ITGA4: variants seen among roughly 807,000 people sequenced by gnomAD.
ITGA4 encodes integrin subunit alpha 4, also known as integrin alpha-4.
Under a neutral mutation model 133.6 loss-of-function variants are expected in ITGA4, and 63 were observed. That is an observed-to-expected ratio of 0.47 (90% CI 0.38 to 0.58). ITGA4 has a LOEUF of 0.58. ITGA4 is among the 20% of genes least tolerant of loss of function. The pLI, the probability that ITGA4 is intolerant of heterozygous loss-of-function variation, is 0.00. For missense variants in ITGA4, 1,076 were observed against 1,252.7 expected, an observed-to-expected ratio of 0.86 and a Z score of 2.13; for synonymous variants, 483 against 438.0, an observed-to-expected ratio of 1.10 and a Z score of -1.28.
At chr2:181,471,567 C>T (rs1685551811) in intron 2 of ITGA4, among the ~76,000 whole-genome samples, 1 of 152,044 alleles carries the variant, frequency 6.6e-6, no homozygotes. Context: ...TAACTAACAA[C>T]TGTATAGGAG....
rs775360380 is a variant in ITGA4 at position 181,478,771 on chromosome 2, T to G, written c.571T>G (p.Phe191Val). ...APCYQDYVKK[F>V]GENFASCQAG... The stretch of plus-strand genomic sequence containing the variant: ...TTTCATTTTAGATTATGTGAAAAAA[T>G]TTGGAGAAAATTTTGCATCATGTCA... Residue 191 changes from phenylalanine (F) to valine (V), a missense_variant, in exon 5 of 28, where the codon TTT (phenylalanine) becomes GTT (valine). This residue lies in a region of ITGA4 where 436 missense variants were observed against 590.7 expected (regional missense o/e 0.74). Transcript: ENST00000397033. The G allele has an allele frequency of 6.8e-7, 1 of 1,466,396 alleles. No homozygotes were observed. Among genetic ancestry groups the G allele is most frequent in the East Asian group, 2.4e-5 (1 of 42,272 alleles). The allele number at this position is 1,466,396 out of a possible 1,614,324, so 90.8% of individuals were successfully genotyped here.
intron 10 of ITGA4, among the ~76,000 whole-genome samples, chr2:181,490,559 G>T (rs1574393088): frequency 6.6e-6 from 1 of 151,188 alleles, no homozygotes; most frequent in African/African-American, 2.4e-5. Flanking sequence ...CTTTGACACA[G>T]AACAGGAATT....
In ITGA4 at chr2:181,537,411, T is replaced by C. The variant is rs1559063639; in HGVS notation, c.*1884T>C. ...AGATTTTGCCCAGTTCAAAATAGTA[T>C]TTGTTATCAACTTACTTTGTTACTT... is the stretch of plus-strand genomic sequence containing the variant. On this transcript the variant is annotated 3_prime_UTR_variant, in exon 28 of 28. Transcript: ENST00000397033. 1 of 449,494 alleles carries C rather than the reference T, an allele frequency of 2.2e-6. No homozygotes were observed. Among genetic ancestry groups the C allele is most frequent in the Admixed American group, 2.4e-5 (1 of 42,258 alleles). 27.8% of individuals were successfully genotyped at this position (449,494 alleles called of 1,614,324 possible). A position where few individuals can be genotyped will look rare whatever the true frequency, so the allele number is the denominator to read the frequency against.
chr2:181,500,517 G>A (rs944829587), intron 15 of ITGA4, among the ~76,000 whole-genome samples: 7 of 152,262 alleles, frequency 4.6e-5, no homozygotes, highest in Admixed American at 3.3e-4. Context: ...GACGCATAGC[G>A]GTTGGGATGC....
At chr2:181,490,301 A>G (rs1686020931) in intron 10 of ITGA4, among the ~76,000 whole-genome samples, 1 of 152,090 alleles carries the variant, frequency 6.6e-6, no homozygotes. Context: ...TCCTCCTTTA[A>G]TTCTACTTTA....
At chr2:181,509,515 A>G (rs1303577534) in intron 15 of ITGA4, 143 bp from the exon 16 acceptor site, 2 of 482,550 alleles carry the variant, frequency 4.1e-6, no homozygotes, top group Non-Finnish European at 7.0e-6. Flanking sequence ...ATACATCTTC[A>G]TTTTTTTAAC....
At chr2:181,498,908 G>C in intron 15 of ITGA4, 131 bp downstream of exon 15, 1 of 1,331,650 alleles carries the variant, frequency 7.5e-7, no homozygotes, top group Non-Finnish European at 9.7e-7. Context: ...ACTATGACCT[G>C]TTGCTCCAGT....
intron 21 of ITGA4, among the ~76,000 whole-genome samples, chr2:181,526,348 C>G (rs1195851062): frequency 6.6e-6 from 1 of 152,178 alleles, no homozygotes. Flanking sequence ...ATGCTGGTTA[C>G]TTTCCTGTTT....
At position 181,537,760 on chromosome 2, in the gene ITGA4, A is replaced by C; in HGVS notation, c.*2233A>C. On this transcript the variant is annotated 3_prime_UTR_variant, in exon 28 of 28. Coordinates refer to ENST00000397033, the MANE Select transcript of ITGA4 (RefSeq NM_000885.6). Reference sequence around the variant, plus strand: ...ATTGTAAAAAAAAGAATTTGAATTGATATCTAAAAACAGAATTTGAATTGA... The same window carrying C: ...ATTGTAAAAAAAAGAATTTGAATTGCTATCTAAAAACAGAATTTGAATTGA... 2.2e-6 allele frequency: 1 copy of C among 446,522 alleles called. No homozygotes were observed. 27.7% of individuals were successfully genotyped at this position (446,522 alleles called of 1,614,324 possible).
intron 4 of ITGA4, among the ~76,000 whole-genome samples, chr2:181,478,087 C>T (rs889046261): frequency 3.3e-5 from 5 of 151,872 alleles, no homozygotes; most frequent in Non-Finnish European, 7.4e-5. Flanking sequence ...TGGATGACCC[C>T]GAAGGACATT....
Position 181,537,710 on chromosome 2 carries a change from GT to G in ITGA4, c.*2190del, listed in dbSNP as rs74486071. ...ATTGATGTATTATGATGGTTGCAAA[GT>G]TTTTTTGTGTGTCCAATAAACACAT... On this transcript the variant is annotated 3_prime_UTR_variant, in exon 28 of 28. Transcript: ENST00000397033. 0.12 allele frequency: 51,572 copies of G among 426,586 alleles called. 3,801 individuals are homozygous for G. The highest frequency in any genetic ancestry group is 0.22 in the East Asian group (3,064 of 14,132). 26.4% of individuals were successfully genotyped at this position (426,586 alleles called of 1,614,324 possible). A position where few individuals can be genotyped will look rare whatever the true frequency, so the allele number is the denominator to read the frequency against.
intron 16 of ITGA4, among the ~76,000 whole-genome samples, chr2:181,510,741 G>C (rs1439815583): frequency 6.6e-6 from 1 of 151,906 alleles, no homozygotes; most frequent in Admixed American, 6.6e-5. Flanking sequence ...CGGAAGTCAG[G>C]GGTTGTTTTT....
rs1030352142 is a variant in ITGA4, at chr2:181,516,149, T to C, written c.1922+4374T>C. Among the ~76,000 whole-genome samples the C allele has an allele frequency of 2.6e-5, 4 of 152,048 alleles. No homozygotes were observed. Among genetic ancestry groups the C allele is most frequent in the African/African-American group, 7.2e-5 (3 of 41,408 alleles). On this transcript the variant is annotated intron_variant, in intron 17 of 27. Coordinates refer to ENST00000397033, the MANE Select transcript of ITGA4 (RefSeq NM_000885.6). This position sits in a 1 kb window ranked among gnomAD's most constrained non-coding sequence, Gnocchi z 4.0. ...ATAATAGAAGGTATTAGCCATCACATAGGGAGTTTAAAATCAAATCCTTGA... is the reference window on the plus strand; with the variant it reads ...ATAATAGAAGGTATTAGCCATCACACAGGGAGTTTAAAATCAAATCCTTGA...
chr2:181,486,732 G>A (rs528039783), intron 10 of ITGA4, among the ~76,000 whole-genome samples: 1 of 152,286 alleles, frequency 6.6e-6, no homozygotes, highest in South Asian at 2.1e-4. Context: ...AAGTAACTGA[G>A]TCTGTTAAAA....
chr2:181,537,176 C>A lies in ITGA4; in HGVS notation c.*1649C>A. ...GCTAGTCATTCTTTCAGGAGAACAT[C>A]TAGGATCATAGATGAAAAATCAAGC... On this transcript the variant is annotated 3_prime_UTR_variant, in exon 28 of 28. Transcript: ENST00000397033. 2 of 453,890 alleles carry A rather than the reference C, an allele frequency of 4.4e-6. No homozygotes were observed. Among genetic ancestry groups the A allele is most frequent in the South Asian group, 3.1e-5 (2 of 64,472 alleles). The allele number at this position is 453,890 out of a possible 1,614,324, so 28.1% of individuals were successfully genotyped here. A position where few individuals can be genotyped will look rare whatever the true frequency, so the allele number is the denominator to read the frequency against.
At chr2:181,506,366 T>C (rs753075499) in intron 15 of ITGA4, among the ~76,000 whole-genome samples, 44 of 152,090 alleles carry the variant, frequency 2.9e-4, no homozygotes, top group Admixed American at 1.3e-3. Flanking sequence ...ATCACAACAG[T>C]AAGGTATAAG....
At chr2:181,468,254 C>T (rs572925705) in intron 2 of ITGA4, among the ~76,000 whole-genome samples, 1 of 152,264 alleles carries the variant, frequency 6.6e-6, no homozygotes, top group African/African-American at 2.4e-5. Flanking sequence ...TTCAGACCAT[C>T]TGTTACTGTC....
intron 25 of ITGA4, among the ~76,000 whole-genome samples, chr2:181,532,483 T>C (rs565754546): frequency 4.0e-4 from 61 of 152,272 alleles, no homozygotes; most frequent in South Asian, 2.5e-3. Flanking sequence ...CCCTTGTAAG[T>C]TGGATTCCTA....
intron 15 of ITGA4, among the ~76,000 whole-genome samples, chr2:181,501,741 C>T (rs1686276614): frequency 6.6e-6 from 1 of 152,126 alleles, no homozygotes. Flanking sequence ...TAGTTTTCAT[C>T]AATTGAGACA....
Sources: gnomAD v4.1 joint callset for allele counts (sites outside exome capture counted in the v4.1 genomes callset) on GRCh38, gnomAD v4.1.1 for gene constraint, gnomAD v4.1.1 regional missense constraint, Gnocchi (gnomAD v3.1) non-coding constraint, MANE v1.5 for transcripts, NCBI Gene and HGNC (gene_info 2026-07-23, HGNC 2026-07-21) for gene names.